LAMA3: variants seen among roughly 807,000 people sequenced by gnomAD.
LAMA3 encodes laminin subunit alpha-3.
In LAMA3, 281 loss-of-function variants were observed where a neutral mutation model predicts 402.0. The ratio of observed to expected loss-of-function variants is 0.70; its 90% CI spans 0.63 to 0.77. The LOEUF is 0.77. LAMA3 is among the 30% of genes least tolerant of loss of function. The pLI is 0.00. For missense variants in LAMA3, 3,840 were observed against 4,215.5 expected (o/e 0.91, Z 2.47); for synonymous variants, 1,431 against 1,558.4 (o/e 0.92, Z 1.93).
intron 19 of LAMA3, 68 bp from the exon 20 acceptor site, chr18:23,822,184 T>C (rs1568220862): frequency 6.4e-7 from 1 of 1,568,218 alleles, no homozygotes; most frequent in Non-Finnish European, 8.8e-7. Context: ...TAGAATAAAG[T>C]CACTGTTTGG....
chr18:23,793,687 G>GTCT (rs562836465), intron 12 of LAMA3, among the ~76,000 whole-genome samples: 132 of 152,210 alleles, frequency 8.7e-4, no homozygotes, highest in African/African-American at 2.8e-3. Context: ...AGAAGAAAAC[G>GTCT]TCTGTGACCA....
At chr18:23,864,697 TTGTG>T (rs1348724375) in intron 35 of LAMA3, 84 bp from the exon 36 acceptor site, 2 of 852,874 alleles carry the variant, frequency 2.3e-6, no homozygotes, top group Non-Finnish European at 4.0e-6. Context: ...TTTCCACACC[TTGTG>T]TGCCTAAGTG....
At chr18:23,810,915 G>A (rs957510635) in intron 13 of LAMA3, among the ~76,000 whole-genome samples, 2 of 152,134 alleles carry the variant, frequency 1.3e-5, no homozygotes, top group Non-Finnish European at 2.9e-5. Context: ...GCACTGTAAT[G>A]TTTCTAACAG....
At chr18:23,925,111 C>T (rs923268923) in intron 62 of LAMA3, among the ~76,000 whole-genome samples, 5 of 152,156 alleles carry the variant, frequency 3.3e-5, no homozygotes, top group African/African-American at 1.2e-4. Flanking sequence ...GGGCAACCAG[C>T]CAACGCTTCC....
At chr18:23,810,048 A>T (rs992772978) in intron 12 of LAMA3, among the ~76,000 whole-genome samples, 2 of 152,216 alleles carry the variant, frequency 1.3e-5, no homozygotes, top group Non-Finnish European at 2.9e-5. Context: ...TATGAAATTC[A>T]TGACAGCAAT....
chr18:23,717,267 T>A lies in LAMA3; in HGVS notation c.447+3195T>A, dbSNP rs2061118110. 2.0e-5 allele frequency among the ~76,000 whole-genome samples: 3 copies of A among 152,178 alleles called. No individual in the cohort carries two copies. The South Asian group carries it at 6.2e-4, about 32-fold the overall frequency. The stretch of plus-strand genomic sequence containing the variant: ...AACCATGAGAATGTCACTGAGAGGT[T>A]AGATTTCATAATTAATAGTAACATT... On this transcript the variant is annotated intron_variant, in intron 2 of 74. Coordinates refer to ENST00000313654, the MANE Select transcript of LAMA3 (RefSeq NM_198129.4).
In LAMA3 at chr18:23,890,972, C is replaced by A. The variant is rs376735111; in HGVS notation, c.5410+855C>A. ...AAGTTGGGAAGAACAGTAAAGGGAC[C>A]AAGGGAAAACTTCCCCTTCACCTAC... On this transcript the variant is annotated intron_variant, in intron 42 of 74. Coordinates refer to ENST00000313654, the MANE Select transcript of LAMA3 (RefSeq NM_198129.4). Among the ~76,000 whole-genome samples, 41 of 152,264 alleles carry A rather than the reference C, an allele frequency of 2.7e-4. 1 individual carries two copies. The East Asian group carries it at 5.6e-3, about 21-fold the overall frequency.
At position 23,879,095 on chromosome 18, in the gene LAMA3, T is replaced by C. The variant is rs1381478760; in HGVS notation, c.5112+2688T>C. Among the ~76,000 whole-genome samples the C allele has an allele frequency of 6.6e-6, 1 of 152,204 alleles. No individual in the cohort carries two copies. Among genetic ancestry groups the C allele is most frequent in the Non-Finnish European group, 1.5e-5 (1 of 68,040 alleles). On this transcript the variant is annotated intron_variant, in intron 39 of 74. Transcript: ENST00000313654. The surrounding 1 kb of genome is among the most constrained non-coding windows in gnomAD (Gnocchi z 4.2). ...TCTTTCTTCATCTTCCTTCTTTTAT[T>C]TTCTGCTACTTGAGCCCATCTTCCC...
At chr18:23,738,116 A>G (rs2061506045) in intron 2 of LAMA3, among the ~76,000 whole-genome samples, 1 of 151,878 alleles carries the variant, frequency 6.6e-6, no homozygotes, top group South Asian at 2.1e-4. Flanking sequence ...CTGGACTGGG[A>G]CCTGAACTCT....
intron 37 of LAMA3, among the ~76,000 whole-genome samples, chr18:23,869,765 G>C (rs775621690): frequency 6.6e-6 from 1 of 152,058 alleles, no homozygotes; most frequent in African/African-American, 2.4e-5. Context: ...AAATATAAAG[G>C]TTAAAAAGGC....
intron 69 of LAMA3, among the ~76,000 whole-genome samples, chr18:23,944,804 A>G (rs759112708): frequency 6.6e-6 from 1 of 152,206 alleles, no homozygotes; most frequent in Non-Finnish European, 1.5e-5. Context: ...CCGACTTTGG[A>G]CTTTATTTGA....
chr18:23,921,807 C>T (rs965091100), intron 62 of LAMA3, among the ~76,000 whole-genome samples: 3 of 152,146 alleles, frequency 2.0e-5, no homozygotes, highest in South Asian at 4.2e-4. Flanking sequence ...GTGTCACCGC[C>T]ATTGTCATTC....
rs765470937 is a variant in LAMA3 at position 23,931,312 on chromosome 18, CT to C, written c.8576+113del. On this transcript the variant is annotated intron_variant, in intron 65 of 74. Transcript: ENST00000313654. ...ATATTTGTCCTTGATACCAAAAATA[CT>C]TCACTAATAAGTCTTGTCCTTCTTC... 7.6e-5 allele frequency: 67 copies of C among 878,388 alleles called. 2 individuals carry two copies. In the Middle Eastern group the frequency reaches 4.9e-3, roughly 64 times the overall value. 54.4% of individuals were successfully genotyped at this position (878,388 alleles called of 1,614,324 possible).
In LAMA3 at chr18:23,904,724, A is replaced by T. The variant is rs370284722; in HGVS notation, c.6615+30A>T. 5 of 1,611,930 alleles carry T rather than the reference A, an allele frequency of 3.1e-6. No individual in the cohort carries two copies. The Admixed American group carries it at 8.3e-5, about 27-fold the overall frequency. On this transcript the variant is annotated intron_variant, in intron 51 of 74. Transcript: ENST00000313654. ...GCACCTGTACCAGCAGCTTCTCCACATTCGCTGTGGAGATGGCTGATTTTT... is the reference window on the plus strand; with the variant it reads ...GCACCTGTACCAGCAGCTTCTCCACTTTCGCTGTGGAGATGGCTGATTTTT...
intron 1 of LAMA3, among the ~76,000 whole-genome samples, chr18:23,692,686 G>A (rs1311005621): frequency 6.6e-6 from 1 of 152,092 alleles, no homozygotes; most frequent in Non-Finnish European, 1.5e-5. Context: ...TCATTCTGAT[G>A]CTTGTTTTCT....
intron 35 of LAMA3, among the ~76,000 whole-genome samples, chr18:23,862,092 A>C (rs922067228): frequency 2.0e-5 from 3 of 152,240 alleles, no homozygotes; most frequent in African/African-American, 7.2e-5. Context: ...TCCTCCAGGG[A>C]AATAACCATT....
chr18:23,855,700 C>T (rs1294218125), intron 32 of LAMA3, among the ~76,000 whole-genome samples: 1 of 152,126 alleles, frequency 6.6e-6, no homozygotes, highest in Admixed American at 6.5e-5. Context: ...TTTCCAAAAG[C>T]GTCTCCGATC....
At chr18:23,794,129 C>T (rs1312808160) in intron 12 of LAMA3, among the ~76,000 whole-genome samples, 2 of 152,232 alleles carry the variant, frequency 1.3e-5, no homozygotes, top group Non-Finnish European at 1.5e-5. Flanking sequence ...CTCTCTGAAC[C>T]TTGTCCTCCT....
intron 15 of LAMA3, 113 bp downstream of exon 15, chr18:23,814,615 GA>G: frequency 1.3e-6 from 1 of 744,868 alleles, no homozygotes. Context: ...AATTTGACAA[GA>G]TTCTATGTAA....
Sources: gnomAD v4.1 joint callset for allele counts (sites outside exome capture counted in the v4.1 genomes callset) on GRCh38, gnomAD v4.1.1 for gene constraint, Gnocchi (gnomAD v3.1) non-coding constraint, MANE v1.5 for transcripts, NCBI Gene and HGNC (gene_info 2026-07-23, HGNC 2026-07-21) for gene names.